Variants in APLF observed in about 807,000 individuals in gnomAD.
The protein encoded by APLF is aprataxin and PNKP like factor, also known as aprataxin and PNK-like factor.
A neutral mutation model predicts 55.6 loss-of-function variants in APLF; 61 were observed. That is an observed-to-expected ratio of 1.10 (90% CI 0.89 to 1.36). The LOEUF is 1.36. APLF is among the 40% of genes most tolerant of loss of function. APLF has a pLI of 0.00. For missense variants in APLF, 611 were observed against 602.5 expected (o/e 1.01, Z -0.15); for synonymous variants, 207 against 214.8 (o/e 0.96, Z 0.32).
chr2:68,566,442 C>G (rs1490160873), intron 8 of APLF, among the ~76,000 whole-genome samples: 4 of 152,202 alleles, frequency 2.6e-5, no homozygotes, highest in African/African-American at 9.6e-5. Flanking sequence ...ATATTTTATC[C>G]TCATTGCCTG....
At chr2:68,504,075 A>C (rs1233657364) in intron 3 of APLF, among the ~76,000 whole-genome samples, 1 of 151,972 alleles carries the variant, frequency 6.6e-6, no homozygotes, top group African/African-American at 2.4e-5. Context: ...TATGCCAATA[A>C]ATTTGGCAGT....
chr2:68,562,105 T>C (rs1671185598), intron 8 of APLF, among the ~76,000 whole-genome samples: 1 of 151,934 alleles, frequency 6.6e-6, no homozygotes, highest in South Asian at 2.1e-4. Context: ...TAGATGAACC[T>C]AGAGAACATT....
At chr2:68,559,153 G>A (rs1462006331) in intron 8 of APLF, among the ~76,000 whole-genome samples, 1 of 152,056 alleles carries the variant, frequency 6.6e-6, no homozygotes, top group Non-Finnish European at 1.5e-5. Flanking sequence ...TCAGTTTCTT[G>A]TGAAAACATG....
chr2:68,563,030 TC>T lies in APLF; in HGVS notation c.1287-4310del, dbSNP rs923827301. 10 of 981,694 alleles carry T rather than the reference TC, an allele frequency of 1.0e-5. No individual in the cohort carries two copies. The African/African-American group carries it at 1.8e-4, about 17-fold the overall frequency. 60.8% of individuals were successfully genotyped at this position (981,694 alleles called of 1,614,324 possible). The stretch of plus-strand genomic sequence containing the variant: ...AAATTTTTGAGCCTGTCATAGATAC[TC>T]TTTTCCTTCATTTTCAGTGAAATAG... On this transcript the variant is annotated intron_variant, in intron 8 of 9. Coordinates refer to ENST00000303795, the MANE Select transcript of APLF (RefSeq NM_173545.3).
intron 5 of APLF, among the ~76,000 whole-genome samples, chr2:68,518,581 A>ATAATATATCATGAATATATAATATATCAT (rs1206805702): frequency 2.2e-4 from 20 of 89,150 alleles, no homozygotes; most frequent in Admixed American, 3.5e-4. Context: ...TAATATATCA[A>ATAATATATCATGAATATATAATATATCAT]TAATATATCA....
At chr2:68,515,899 T>A (rs1242559010) in intron 5 of APLF, among the ~76,000 whole-genome samples, 1 of 151,834 alleles carries the variant, frequency 6.6e-6, no homozygotes, top group African/African-American at 2.4e-5. Flanking sequence ...GTGCTGTTAT[T>A]TTTTAAAAAA....
At chr2:68,568,672 G>A (rs1671373261) in intron 9 of APLF, among the ~76,000 whole-genome samples, 1 of 152,034 alleles carries the variant, frequency 6.6e-6, no homozygotes, top group African/African-American at 2.4e-5. Context: ...ATAGAAATAG[G>A]AAATATTTAT....
chr2:68,513,526 T>C, intron 4 of APLF, 22 bp from the exon 5 acceptor site: 2 of 1,602,556 alleles, frequency 1.2e-6, no homozygotes, highest in Non-Finnish European at 1.7e-6. Context: ...TTATTTTTAG[T>C]AATTTATAGG....
At chr2:68,469,152 T>C (rs1675537330) in intron 1 of APLF, among the ~76,000 whole-genome samples, 1 of 152,226 alleles carries the variant, frequency 6.6e-6, no homozygotes, top group Non-Finnish European at 1.5e-5. Context: ...TCTATTTTTT[T>C]CATCGTTTGT....
intron 3 of APLF, among the ~76,000 whole-genome samples, chr2:68,510,081 G>T (rs189918690): frequency 7.9e-6 from 1 of 126,688 alleles, no homozygotes; most frequent in Non-Finnish European, 1.6e-5. Flanking sequence ...AGTGGGGGGA[G>T]GGGGGAGGGA....
chr2:68,468,322 C>T (rs1214100497), intron 1 of APLF, among the ~76,000 whole-genome samples: 1 of 152,132 alleles, frequency 6.6e-6, no homozygotes, highest in Admixed American at 6.5e-5. Context: ...CTTTGGTCTC[C>T]TTTGCAGAGC....
chr2:68,575,406 C>G (rs1037156233), intron 9 of APLF, among the ~76,000 whole-genome samples: 1 of 152,022 alleles, frequency 6.6e-6, no homozygotes, highest in Non-Finnish European at 1.5e-5. Context: ...GTAGAGTCTT[C>G]AAAGCTGAGA....
chr2:68,568,208 G>C (rs1282832665), intron 9 of APLF: 1 of 904,710 alleles, frequency 1.1e-6, no homozygotes, highest in Non-Finnish European at 1.3e-6. Context: ...ATAAAATCTG[G>C]CTTTTTCATA....
chr2:68,472,717 T>C (rs1455924983), intron 1 of APLF, among the ~76,000 whole-genome samples: 1 of 152,116 alleles, frequency 6.6e-6, no homozygotes, highest in Admixed American at 6.6e-5. Flanking sequence ...AGGAAGGGCT[T>C]GCGTGGTTTA....
chr2:68,575,780 A>G (rs1276055577), intron 9 of APLF, among the ~76,000 whole-genome samples: 1 of 152,126 alleles, frequency 6.6e-6, no homozygotes, highest in Non-Finnish European at 1.5e-5. Context: ...TGGGTAAAGC[A>G]ACTAAAGAGT....
chr2:68,531,987 C>G (rs1157432748), intron 6 of APLF, among the ~76,000 whole-genome samples: 3 of 152,138 alleles, frequency 2.0e-5, no homozygotes, highest in East Asian at 1.9e-4. Context: ...TTTACCTCTT[C>G]TAGCACAGGA....
chr2:68,539,153 C>T (rs1670482458), intron 7 of APLF, among the ~76,000 whole-genome samples: 1 of 152,114 alleles, frequency 6.6e-6, no homozygotes, highest in South Asian at 2.1e-4. Context: ...CTTTTTGAAA[C>T]ATTTTTGTAT....
chr2:68,546,419 G>C (rs188076688), intron 8 of APLF, among the ~76,000 whole-genome samples: 1 of 151,956 alleles, frequency 6.6e-6, no homozygotes, highest in East Asian at 1.9e-4. Context: ...CATGATGTGA[G>C]ACCAGCACAA....
In APLF at chr2:68,526,107, AT is replaced by A. The variant is rs1266611794; in HGVS notation, c.670del (p.Ser224ProfsTer3). The A allele has an allele frequency of 3.7e-6, 6 of 1,613,706 alleles. No individual in the cohort carries two copies. In the African/African-American group the frequency reaches 8.0e-5, roughly 22 times the overall value. ...SGKEEICKDK[S>X]QLNTTQQGRR... ...GAAAAGAAGAAATCTGCAAAGATAA[AT>A]CCCAGCTAAACACAACCCAGCAAGG... On this transcript the variant is annotated frameshift_variant, in exon 6 of 10. Coordinates refer to ENST00000303795, the MANE Select transcript of APLF (RefSeq NM_173545.3). LOFTEE classifies it high-confidence loss of function.
Sources: allele counts gnomAD v4.1 joint callset (sites outside exome capture counted in the v4.1 genomes callset), GRCh38; gene constraint gnomAD v4.1.1; transcripts MANE v1.5; gene names NCBI Gene and HGNC (gene_info 2026-07-23, HGNC 2026-07-21).